The following ADK variants were observed in gnomAD, a reference collection of about 807,000 sequenced individuals.
The protein encoded by ADK is adenosine kinase.
ADK carries 24 observed loss-of-function variants against 44.7 expected under a neutral mutation model. The ratio of observed to expected loss-of-function variants is 0.54; its 90% CI spans 0.39 to 0.76. The LOEUF (loss-of-function observed/expected upper bound fraction) is 0.76. Ranked by LOEUF, ADK falls within the 30% of genes least tolerant of loss-of-function variation. ADK has a pLI of 0.00. For synonymous variants in ADK, 128 were observed against 142.6 expected (o/e 0.90, Z 0.73); for missense variants, 321 against 425.1 (o/e 0.76, Z 2.15).
chr10:74,335,254 TTTTA>T (rs1213734717), intron 4 of ADK, among the ~76,000 whole-genome samples: 1 of 152,150 alleles, frequency 6.6e-6, no homozygotes, highest in East Asian at 1.9e-4. Context: ...TTTTATTTTA[TTTTA>T]TTTATTTATT....
intron 3 of ADK, among the ~76,000 whole-genome samples, chr10:74,312,120 C>T (rs562004397): frequency 3.9e-5 from 6 of 152,086 alleles, no homozygotes; most frequent in African/African-American, 1.2e-4. Context: ...GAGCCGAGAT[C>T]GCGCCAGTGC....
chr10:74,196,012 C>T (rs1313241075), intron 1 of ADK, among the ~76,000 whole-genome samples: 1 of 151,766 alleles, frequency 6.6e-6, no homozygotes, highest in Non-Finnish European at 1.5e-5. Context: ...GCATGTTGCC[C>T]TGGCTGGCCT....
chr10:74,382,871 T>G (rs1843018244), intron 4 of ADK, among the ~76,000 whole-genome samples: 1 of 151,956 alleles, frequency 6.6e-6, no homozygotes, highest in Non-Finnish European at 1.5e-5. Context: ...CTAGACCGTG[T>G]TAGTCACCTA....
chr10:74,240,014 CT>C (rs11285474), intron 3 of ADK, among the ~76,000 whole-genome samples: 30,780 of 144,912 alleles, frequency 0.21, 4,201 homozygotes, highest in African/African-American at 0.4. Flanking sequence ...CTTTGCACAG[CT>C]TTTTTTTTTT....
intron 3 of ADK, among the ~76,000 whole-genome samples, chr10:74,273,175 G>GAA (rs1311534569): frequency 7.0e-6 from 1 of 143,084 alleles, no homozygotes; most frequent in Non-Finnish European, 1.5e-5. Context: ...AGGACAGCCA[G>GAA]AAAAAAAAAA....
chr10:74,473,983 T>C (rs1846713560), intron 6 of ADK, among the ~76,000 whole-genome samples: 1 of 152,236 alleles, frequency 6.6e-6, no homozygotes, highest in Admixed American at 6.5e-5. Context: ...TTTATAGCAT[T>C]TATTAGTGGA....
chr10:74,577,152 G>A (rs1165436577), intron 7 of ADK, among the ~76,000 whole-genome samples: 1 of 145,850 alleles, frequency 6.9e-6, no homozygotes, highest in Non-Finnish European at 1.5e-5. Context: ...GTGTGTGTGT[G>A]TAGTCTAACT....
At chr10:74,305,128 CTTGTT>C (rs997549676) in intron 3 of ADK, among the ~76,000 whole-genome samples, 1 of 152,116 alleles carries the variant, frequency 6.6e-6, no homozygotes, top group African/African-American at 2.4e-5. Context: ...GTTATACTCT[CTTGTT>C]TAGGGAATAA....
chr10:74,372,349 A>G, intron 4 of ADK: 1 of 745,770 alleles, frequency 1.3e-6, no homozygotes, highest in South Asian at 1.4e-5. Context: ...CCTGCCACGG[A>G]AGGCTGGTCC....
At chr10:74,292,446 A>G (rs981069704) in intron 3 of ADK, among the ~76,000 whole-genome samples, 3 of 152,188 alleles carry the variant, frequency 2.0e-5, no homozygotes, top group Non-Finnish European at 4.4e-5. Flanking sequence ...AGTCATAGCA[A>G]TATTGGAGGA....
intron 7 of ADK, among the ~76,000 whole-genome samples, chr10:74,576,394 C>G (rs893032936): frequency 6.6e-6 from 1 of 151,766 alleles, no homozygotes; most frequent in South Asian, 2.1e-4. Context: ...TATTTAACCA[C>G]AAAATGAAAA....
At chr10:74,679,858 T>G (rs1486135873) in intron 10 of ADK, among the ~76,000 whole-genome samples, 1 of 152,024 alleles carries the variant, frequency 6.6e-6, no homozygotes, top group East Asian at 1.9e-4. Context: ...CTACTCAGGC[T>G]GAGGCTGGAG....
chr10:74,284,957 G>A (rs1455769799), intron 3 of ADK, among the ~76,000 whole-genome samples: 1 of 152,112 alleles, frequency 6.6e-6, no homozygotes, highest in African/African-American at 2.4e-5. Flanking sequence ...GTGAATATTA[G>A]GGTGCTTACT....
chr10:74,575,597 G>C (rs1003817942), intron 7 of ADK, among the ~76,000 whole-genome samples: 1 of 152,188 alleles, frequency 6.6e-6, no homozygotes, highest in Non-Finnish European at 1.5e-5. Context: ...GGCATGTTCA[G>C]AGAATAGCAA....
chr10:74,420,655 C>T (rs1490627698), intron 6 of ADK, among the ~76,000 whole-genome samples: 1 of 152,028 alleles, frequency 6.6e-6, no homozygotes, highest in African/African-American at 2.4e-5. Context: ...AAGTTGATCT[C>T]ATAATCTTGC....
intron 5 of ADK, among the ~76,000 whole-genome samples, chr10:74,394,699 G>A (rs1843448253): frequency 6.6e-6 from 1 of 152,110 alleles, no homozygotes; most frequent in Non-Finnish European, 1.5e-5. Flanking sequence ...GAGAGAGACA[G>A]AGAGACAGAG....
At position 74,461,996 on chromosome 10, in the gene ADK, T is replaced by C. The variant is rs1197715961; in HGVS notation, c.556-63260T>C. On this transcript the variant is annotated intron_variant, in intron 6 of 10. Coordinates refer to ENST00000539909, the MANE Select transcript of ADK (RefSeq NM_006721.4). Reference sequence around the variant, plus strand: ...GGTATCTGTTAGAGCTTTGAATCTATGTTGGTTGTTGAGTTATTATGTGCA... The same window carrying C: ...GGTATCTGTTAGAGCTTTGAATCTACGTTGGTTGTTGAGTTATTATGTGCA... 2.0e-5 allele frequency among the ~76,000 whole-genome samples: 3 copies of C among 152,096 alleles called. No homozygotes were observed. The East Asian group carries it at 5.8e-4, about 29-fold the overall frequency.
chr10:74,678,348 C>G (rs914409797), intron 10 of ADK, among the ~76,000 whole-genome samples: 2 of 151,946 alleles, frequency 1.3e-5, no homozygotes, highest in Non-Finnish European at 2.9e-5. Context: ...ATTATTTGAG[C>G]CTTCGTTAGT....
chr10:74,322,395 T>C (rs1840844970), intron 4 of ADK, among the ~76,000 whole-genome samples: 1 of 152,210 alleles, frequency 6.6e-6, no homozygotes, highest in Non-Finnish European at 1.5e-5. Flanking sequence ...AAGTATTAAT[T>C]CTGCCAATTT....
Sources: allele counts gnomAD v4.1 joint callset (sites outside exome capture counted in the v4.1 genomes callset), GRCh38; gene constraint gnomAD v4.1.1; transcripts MANE v1.5; gene names NCBI Gene and HGNC (gene_info 2026-07-23, HGNC 2026-07-21).